AGMO: variants seen among roughly 807,000 people sequenced by gnomAD.
The protein encoded by AGMO is alkylglycerol monooxygenase, also known as glyceryl-ether monooxygenase.
A neutral mutation model predicts 60.2 loss-of-function variants in AGMO; 75 were observed. The ratio of observed to expected loss-of-function variants is 1.25; its 90% CI spans 1.03 to 1.51. The LOEUF is 1.51. Among genes scored for constraint, AGMO ranks in the 40% most tolerant of loss-of-function variants. The pLI, the probability that AGMO is intolerant of heterozygous loss-of-function variation, is 0.00. For missense variants in AGMO, 763 were observed against 525.5 expected, an observed-to-expected ratio of 1.45 and a Z score of -4.42; for synonymous variants, 261 against 177.1, an observed-to-expected ratio of 1.47 and a Z score of -3.76.
intron 12 of AGMO, among the ~76,000 whole-genome samples, chr7:15,303,991 A>G (rs1780532482): frequency 6.6e-6 from 1 of 152,016 alleles, no homozygotes; most frequent in Admixed American, 6.6e-5. Flanking sequence ...ATCCAATACG[A>G]TTTTCCATGA....
intron 12 of AGMO, among the ~76,000 whole-genome samples, chr7:15,331,799 G>A (rs949192004): frequency 3.3e-5 from 5 of 152,138 alleles, no homozygotes; most frequent in Non-Finnish European, 7.4e-5. Context: ...GGTGGCCCAT[G>A]CCTATAATCA....
intron 12 of AGMO, among the ~76,000 whole-genome samples, chr7:15,299,189 A>G (rs1784486646): frequency 1.3e-5 from 2 of 152,116 alleles, no homozygotes; most frequent in Non-Finnish European, 1.5e-5. Context: ...GAACAAGTTA[A>G]CCTCACTATG....
At chr7:15,265,892 A>G (rs974387374) in intron 12 of AGMO, among the ~76,000 whole-genome samples, 2 of 152,138 alleles carry the variant, frequency 1.3e-5, no homozygotes, top group African/African-American at 4.8e-5. Context: ...ATGTTCACCA[A>G]CAGATGAAGA....
At chr7:15,443,447 C>G (rs541914399) in intron 3 of AGMO, among the ~76,000 whole-genome samples, 1 of 152,158 alleles carries the variant, frequency 6.6e-6, no homozygotes, top group Non-Finnish European at 1.5e-5. Context: ...AATACTTTGA[C>G]TATTATACCT....
At chr7:15,140,105 A>G in the AGMO span, among the ~76,000 whole-genome samples, 7 of 151,454 alleles carry the variant, frequency 4.6e-5, 1 homozygote, top group Non-Finnish European at 1.0e-4. Context: ...ATATAATATC[A>G]AAAGTAAAAA....
intron 12 of AGMO, chr7:15,358,258 TGAA>T (rs1226263601): frequency 5.0e-5 from 13 of 259,592 alleles, no homozygotes; most frequent in South Asian, 1.6e-4. Flanking sequence ...CAATAAAAAT[TGAA>T]GAGTCTTAAG....
chr7:15,434,595 A>C (rs1023752076), intron 3 of AGMO, among the ~76,000 whole-genome samples: 4 of 152,168 alleles, frequency 2.6e-5, no homozygotes, highest in African/African-American at 9.7e-5. Context: ...AGCCTCATGA[A>C]GAACTGAATT....
intron 8 of AGMO, 103 bp downstream of exon 8, chr7:15,390,568 G>A: frequency 2.4e-6 from 2 of 836,042 alleles, no homozygotes; most frequent in Non-Finnish European, 3.6e-6. Context: ...ATTTTTTCAG[G>A]TTAGTGTAAT....
In AGMO at chr7:15,201,151, T is replaced by TA. The variant is rs534045528; in HGVS notation, c.*133dup. The TA allele has an allele frequency of 1.2e-3, 647 of 552,736 alleles. 4 individuals are homozygous for TA. The highest frequency in any genetic ancestry group is 0.011 in the African/African-American group (549 of 51,138). The allele number at this position is 552,736 out of a possible 1,614,324, so 34.2% of individuals were successfully genotyped here. A position where few individuals can be genotyped will look rare whatever the true frequency, so the allele number is the denominator to read the frequency against. Reference sequence around the variant, plus strand: ...AACAAATGTGAAAGGCAAACAATAGTAAATAAGTAATTTTACTTTTCATTG... The same window carrying TA: ...AACAAATGTGAAAGGCAAACAATAGTAAAATAAGTAATTTTACTTTTCATTG... On this transcript the variant is annotated 3_prime_UTR_variant, in exon 13 of 13. Transcript: ENST00000342526.
intron 12 of AGMO, among the ~76,000 whole-genome samples, chr7:15,231,058 G>C (rs746777097): frequency 5.3e-5 from 8 of 152,136 alleles, no homozygotes; most frequent in Non-Finnish European, 1.2e-4. Flanking sequence ...TTGAGTCCTA[G>C]ATCATGATAG....
chr7:15,336,915 G>A (rs1328010473), intron 12 of AGMO, among the ~76,000 whole-genome samples: 1 of 152,102 alleles, frequency 6.6e-6, no homozygotes, highest in Non-Finnish European at 1.5e-5. Flanking sequence ...AAACCATTTT[G>A]ACACCTGGTC....
intron 3 of AGMO, among the ~76,000 whole-genome samples, chr7:15,459,879 A>G (rs547940415): frequency 6.6e-6 from 1 of 152,232 alleles, no homozygotes; most frequent in Admixed American, 6.5e-5. Flanking sequence ...TCTATCAGAT[A>G]CCATGTTTTA....
At chr7:15,502,244 G>T (rs527885813) in intron 3 of AGMO, among the ~76,000 whole-genome samples, 3 of 151,922 alleles carry the variant, frequency 2.0e-5, no homozygotes, top group Admixed American at 6.6e-5. Context: ...TCAGACTAGA[G>T]GAGATCAACT....
At chr7:15,513,806 G>C (rs551377825) in intron 3 of AGMO, among the ~76,000 whole-genome samples, 4 of 152,162 alleles carry the variant, frequency 2.6e-5, no homozygotes, top group Non-Finnish European at 4.4e-5. Context: ...TCTCTCTTCA[G>C]TATTTGACAC....
At chr7:15,553,124 G>A (rs1785018974) in intron 2 of AGMO, among the ~76,000 whole-genome samples, 1 of 149,140 alleles carries the variant, frequency 6.7e-6, no homozygotes, top group Non-Finnish European at 1.5e-5. Context: ...TGAACAATGA[G>A]ATCACATGGA....
Position 15,365,506 on chromosome 7 carries a change from T to C in AGMO, c.1263+8A>G. On this transcript the variant is annotated splice_region_variant and intron_variant, in intron 12 of 12. Coordinates refer to ENST00000342526, the MANE Select transcript of AGMO (RefSeq NM_001004320.2). ...GCCATCCTGTGGCTACCTAAACAAA[T>C]GTCTTACCTCAAAAGCAGATGACAA... The C allele has an allele frequency of 1.9e-6, 3 of 1,598,942 alleles. No individual in the cohort carries two copies. The highest frequency in any genetic ancestry group is 2.2e-5 in the East Asian group (1 of 44,664).
chr7:15,325,803 G>A (rs1781322041), intron 12 of AGMO, among the ~76,000 whole-genome samples: 1 of 152,000 alleles, frequency 6.6e-6, no homozygotes, highest in Admixed American at 6.6e-5. Context: ...ATCTTAATAG[G>A]AAGTTTTATT....
At chr7:15,293,841 T>C (rs1389800969) in intron 12 of AGMO, among the ~76,000 whole-genome samples, 1 of 152,230 alleles carries the variant, frequency 6.6e-6, no homozygotes, top group South Asian at 2.1e-4. Context: ...TACTTCTGTG[T>C]TCCTAACACT....
At chr7:15,300,262 T>C (rs1433616986) in intron 12 of AGMO, among the ~76,000 whole-genome samples, 2 of 147,196 alleles carry the variant, frequency 1.4e-5, no homozygotes, top group Non-Finnish European at 2.9e-5. Flanking sequence ...GTTTAGTTGC[T>C]AGCAAATAAG....
Sources: gnomAD v4.1 joint callset for allele counts (sites outside exome capture counted in the v4.1 genomes callset) on GRCh38, gnomAD v4.1.1 for gene constraint, MANE v1.5 for transcripts, NCBI Gene and HGNC (gene_info 2026-07-23, HGNC 2026-07-21) for gene names.